HSPH1: variants seen among roughly 807,000 people sequenced by gnomAD.
The protein encoded by HSPH1 is heat shock protein 105 kDa.
In HSPH1, 40 loss-of-function variants were observed where a neutral mutation model predicts 100.0. The ratio of observed to expected loss-of-function variants is 0.40; its 90% CI spans 0.31 to 0.52. The LOEUF is 0.52. HSPH1 is among the 20% of genes least tolerant of loss of function. HSPH1 has a pLI of 0.54. For missense variants in HSPH1, 876 were observed against 1,015.1 expected (o/e 0.86, Z 1.86); for synonymous variants, 403 against 344.0 (o/e 1.17, Z -1.90).
rs1955906082 is a variant in HSPH1 at position 31,137,100 on chromosome 13, T to C, written c.*218A>G. The C allele has an allele frequency of 1.4e-6, 1 of 711,046 alleles. No homozygotes were observed. The highest frequency in any genetic ancestry group is 2.6e-6 in the Non-Finnish European group (1 of 378,302). 44.0% of individuals were successfully genotyped at this position (711,046 alleles called of 1,614,324 possible). ...ACTGCACAGAAAGCTTAGTATGAAT[T>C]CACAATTCCACAGGAATCTGAAAGT... On this transcript the variant is annotated 3_prime_UTR_variant, in exon 18 of 18. Coordinates refer to ENST00000320027, the MANE Select transcript of HSPH1 (RefSeq NM_006644.4).
intron 1 of HSPH1, among the ~76,000 whole-genome samples, chr13:31,159,266 C>T (rs1395418191): frequency 1.3e-5 from 2 of 152,188 alleles, no homozygotes; most frequent in Admixed American, 6.5e-5. Context: ...CATTGTCATA[C>T]CGACTTTTGT....
chr13:31,148,101 A>G lies in HSPH1; in HGVS notation c.1245-9T>C, dbSNP rs1249278177. ...TAAAGACTTCATGAACACTAGAGAGAAAAGAAAAAGGCATTCAGCAGATGA... is the reference window on the plus strand; with the variant it reads ...TAAAGACTTCATGAACACTAGAGAGGAAAGAAAAAGGCATTCAGCAGATGA... On this transcript the variant is annotated splice_polypyrimidine_tract_variant and intron_variant, in intron 9 of 17. Coordinates refer to ENST00000320027, the MANE Select transcript of HSPH1 (RefSeq NM_006644.4). 6.2e-7 allele frequency: 1 copy of G among 1,601,858 alleles called. No homozygotes were observed. Among genetic ancestry groups the G allele is most frequent in the African/African-American group, 1.4e-5 (1 of 73,810 alleles).
At chr13:31,141,091 C>G in intron 13 of HSPH1, 31 bp downstream of exon 13, 1 of 1,383,808 alleles carries the variant, frequency 7.2e-7, no homozygotes, top group Non-Finnish European at 9.8e-7. Flanking sequence ...AAACATATTT[C>G]AAAATAAAAA....
chr13:31,142,432 C>T (rs1956129209), intron 12 of HSPH1, among the ~76,000 whole-genome samples: 1 of 152,026 alleles, frequency 6.6e-6, no homozygotes, highest in African/African-American at 2.4e-5. Context: ...TGCTAGTGCA[C>T]ACAATCCTTC....
intron 2 of HSPH1, among the ~76,000 whole-genome samples, chr13:31,157,991 T>A (rs1430376057): frequency 6.6e-6 from 1 of 152,244 alleles, no homozygotes; most frequent in African/African-American, 2.4e-5. Context: ...CACATTTTGA[T>A]TCAGACGAGC....
Position 31,150,201 on chromosome 13 carries a change from G to GA in HSPH1, c.909-20_909-19insT, listed in dbSNP as rs780150589. ...TTGTGACCTTAGCAAATAAAAACTT[G>GA]TTTTTAGAAAAGTTAAGACCAATAT... On this transcript the variant is annotated intron_variant, in intron 7 of 17. Transcript: ENST00000320027. The GA allele has an allele frequency of 5.2e-6, 8 of 1,527,662 alleles. No homozygotes were observed. The highest frequency in any genetic ancestry group is 6.2e-6 in the Non-Finnish European group (7 of 1,130,172). The allele number at this position is 1,527,662 out of a possible 1,614,324, so 94.6% of individuals were successfully genotyped here.
At chr13:31,141,335 C>T (rs1956082386) in intron 12 of HSPH1, 76 bp from the exon 13 acceptor site, 1 of 1,224,594 alleles carries the variant, frequency 8.2e-7, no homozygotes, top group Admixed American at 2.5e-5. Flanking sequence ...TGTCCTCATA[C>T]TTACTGATGA....
In HSPH1 at chr13:31,143,836, G is replaced by A. The variant is rs147339015; in HGVS notation, c.1672C>T (p.Pro558Ser). 3.0e-4 allele frequency: 480 copies of A among 1,611,606 alleles called. No individual in the cohort carries two copies. In the African/African-American group the frequency reaches 5.6e-3, roughly 19 times the overall value. ...AQQTSQSPPSPELTSEENKIP... is the reference protein window; with the variant it reads ...AQQTSQSPPSSELTSEENKIP... ...TTGTTTTCTTCTGAGGTAAGTTCAG[G>A]TGAAGGGGGAGACTGTGAGGTTTGT... is the stretch of plus-strand genomic sequence containing the variant. Residue 558 changes from proline (P) to serine (S), a missense_variant, in exon 12 of 18, where the codon CCT (proline) becomes TCT (serine). By Grantham distance (74) the Pro-to-Ser change is moderately conservative. Coordinates refer to ENST00000320027, the MANE Select transcript of HSPH1 (RefSeq NM_006644.4).
chr13:31,157,315 A>T (rs1956734442), intron 2 of HSPH1, among the ~76,000 whole-genome samples: 1 of 152,200 alleles, frequency 6.6e-6, no homozygotes, highest in Non-Finnish European at 1.5e-5. Context: ...CTAAAGTCCC[A>T]CTATCCTTTT....
At chr13:31,142,944 C>G (rs1379727041) in intron 12 of HSPH1, among the ~76,000 whole-genome samples, 2 of 152,046 alleles carry the variant, frequency 1.3e-5, no homozygotes, top group African/African-American at 2.4e-5. Context: ...ACCCATAGCT[C>G]ACATTGGGAG....
intron 1 of HSPH1, 56 bp downstream of exon 1, chr13:31,161,420 C>T (rs1956904968): frequency 6.3e-7 from 1 of 1,596,466 alleles, no homozygotes; most frequent in Non-Finnish European, 8.6e-7. Context: ...GATCTTGGGT[C>T]CCCACACTAA....
intron 5 of HSPH1, chr13:31,151,946 A>G (rs1183685164): frequency 5.7e-6 from 3 of 530,956 alleles, no homozygotes; most frequent in Non-Finnish European, 9.9e-6. Context: ...ACAATGCTCT[A>G]TCACTTTTCA....
At position 31,142,786 on chromosome 13, in the gene HSPH1, AAG is replaced by A. The variant is rs139062142; in HGVS notation, c.1716+1004_1716+1005del. On this transcript the variant is annotated intron_variant, in intron 12 of 17. Coordinates refer to ENST00000320027, the MANE Select transcript of HSPH1 (RefSeq NM_006644.4). ...CAATGTCATGTTCTAGACAGGTACT[AAG>A]ACTATCGGCAAGAGTTGATGTGTAT... Among the ~76,000 whole-genome samples the A allele has an allele frequency of 8.5e-5, 13 of 152,220 alleles. No homozygotes were observed. In the East Asian group the frequency reaches 2.5e-3, roughly 29 times the overall value.
Position 31,151,113 on chromosome 13 carries a change from A to G in HSPH1, c.742T>C (p.Phe248Leu), listed in dbSNP as rs756572474. 38 of 1,613,634 alleles carry G rather than the reference A, an allele frequency of 2.4e-5. 1 individual carries two copies. The highest frequency in any genetic ancestry group is 3.1e-5 in the Non-Finnish European group (36 of 1,179,804). ...EKLVEHFCAE[F>L]KTKYKLDAKS... The stretch of plus-strand genomic sequence containing the variant: ...GCATCCAACTTGTACTTAGTTTTAA[A>G]TTCTGCACAAAAATGTTCCACTAAC... Residue 248 changes from phenylalanine to leucine, a missense_variant, in exon 7 of 18, where the codon TTT (phenylalanine) becomes CTT (leucine). By Grantham distance (22) the Phe-to-Leu change is conservative. Coordinates refer to ENST00000320027, the MANE Select transcript of HSPH1 (RefSeq NM_006644.4).
At chr13:31,153,074 G>A (rs1956546182) in intron 4 of HSPH1, 123 bp from the exon 5 acceptor site, 1 of 636,532 alleles carries the variant, frequency 1.6e-6, no homozygotes, top group South Asian at 1.8e-5. Flanking sequence ...TCACAAAACA[G>A]AAATAGGGCT....
At chr13:31,139,679 T>TC (rs1956019400) in intron 14 of HSPH1, among the ~76,000 whole-genome samples, 1 of 152,114 alleles carries the variant, frequency 6.6e-6, no homozygotes, top group African/African-American at 2.4e-5. Flanking sequence ...TAGATTTTTA[T>TC]CTAGTCAGTT....
chr13:31,160,293 C>T (rs1566019625), intron 1 of HSPH1, among the ~76,000 whole-genome samples: 1 of 152,184 alleles, frequency 6.6e-6, no homozygotes. Flanking sequence ...CTTAGATCTG[C>T]AGGGGTAGAC....
intron 3 of HSPH1, 89 bp from the exon 4 acceptor site, chr13:31,154,844 T>C: frequency 9.3e-7 from 1 of 1,074,130 alleles, no homozygotes; most frequent in Non-Finnish European, 1.3e-6. Context: ...ACACATTCCC[T>C]TCCACAAAAT....
At chr13:31,145,874 C>T in intron 10 of HSPH1, 106 bp from the exon 11 acceptor site, 3 of 977,516 alleles carry the variant, frequency 3.1e-6, no homozygotes, top group Non-Finnish European at 4.6e-6. Flanking sequence ...AATCCCAGCA[C>T]TTTGGGAGGC....
Sources: allele counts gnomAD v4.1 joint callset (sites outside exome capture counted in the v4.1 genomes callset), GRCh38; gene constraint gnomAD v4.1.1; transcripts MANE v1.5; gene names NCBI Gene and HGNC (gene_info 2026-07-23, HGNC 2026-07-21).